The following DCLK1 variants were observed in gnomAD, a reference collection of about 807,000 sequenced individuals.
DCLK1 encodes serine/threonine-protein kinase DCLK1.
DCLK1 carries 16 observed loss-of-function variants against 86.2 expected under a neutral mutation model. The ratio of observed to expected loss-of-function variants is 0.19; its 90% CI spans 0.13 to 0.28. DCLK1 has a LOEUF of 0.28. Ranked by LOEUF, DCLK1 falls within the 10% of genes least tolerant of loss-of-function variation. The pLI is 1.00. For missense variants in DCLK1, 590 were observed against 940.2 expected, an observed-to-expected ratio of 0.63 and a Z score of 4.87; for synonymous variants, 369 against 370.5, an observed-to-expected ratio of 1.00 and a Z score of 0.05.
In DCLK1 at chr13:35,836,159, A is replaced by T; in HGVS notation, c.1121-18T>A. On this transcript the variant is annotated intron_variant, in intron 7 of 16. Coordinates refer to ENST00000360631, the MANE Select transcript of DCLK1 (RefSeq NM_001330071.2). ...CGACACTTCTGAAAGAATCATTAAT[A>T]CTTTTTTATTGGTTGAAAAGGGAAC... 1.3e-6 allele frequency: 2 copies of T among 1,587,370 alleles called. No homozygotes were observed. Among genetic ancestry groups the T allele is most frequent in the Non-Finnish European group, 1.7e-6 (2 of 1,162,570 alleles).
intron 4 of DCLK1, among the ~76,000 whole-genome samples, chr13:35,906,293 T>C (rs559442830): frequency 6.6e-6 from 1 of 151,594 alleles, no homozygotes; most frequent in East Asian, 1.9e-4. Context: ...ATTTTCACTT[T>C]ATGGTTGGCC....
At chr13:36,101,316 G>A (rs1281337606) in intron 3 of DCLK1, among the ~76,000 whole-genome samples, 1 of 152,190 alleles carries the variant, frequency 6.6e-6, no homozygotes, top group East Asian at 1.9e-4. Context: ...CTCCACGTGA[G>A]GCAGCCCACT....
intron 11 of DCLK1, among the ~76,000 whole-genome samples, chr13:35,821,879 A>C (rs2087402422): frequency 6.6e-6 from 1 of 150,842 alleles, no homozygotes; most frequent in Non-Finnish European, 1.5e-5. Context: ...GAGATCTCTC[A>C]AGGTTTCCCC....
rs367876100 is a variant in DCLK1, at chr13:35,898,347, A to C, written c.824-27007T>G. ...AGGAAAGAAACCAAACATACTTCTC[A>C]TTACCCCAAGTTCTTGGAAAGATAT... On this transcript the variant is annotated intron_variant, in intron 4 of 16. Transcript: ENST00000360631. Among the ~76,000 whole-genome samples, 118 of 152,366 alleles carry C rather than the reference A, an allele frequency of 7.7e-4. 1 individual carries two copies. In the South Asian group the frequency reaches 0.023, roughly 30 times the overall value.
intron 3 of DCLK1, among the ~76,000 whole-genome samples, chr13:36,084,075 T>C (rs1020613725): frequency 6.6e-6 from 1 of 152,136 alleles, no homozygotes; most frequent in South Asian, 2.1e-4. Flanking sequence ...CTATTAAAAA[T>C]ACATTGGAGC....
At chr13:36,007,764 A>G (rs1881047412) in intron 3 of DCLK1, among the ~76,000 whole-genome samples, 1 of 152,232 alleles carries the variant, frequency 6.6e-6, no homozygotes, top group Middle Eastern at 3.2e-3. Context: ...TCTATAAGCC[A>G]TTGCTGTCTT....
intron 3 of DCLK1, among the ~76,000 whole-genome samples, chr13:36,093,942 C>T (rs570007047): frequency 6.3e-4 from 96 of 152,120 alleles, no homozygotes; most frequent in African/African-American, 1.6e-3. Flanking sequence ...TATTTTGAGA[C>T]GGGGTCTCAC....
At chr13:36,030,692 TA>T (rs777963154) in intron 3 of DCLK1, among the ~76,000 whole-genome samples, 14 of 152,076 alleles carry the variant, frequency 9.2e-5, no homozygotes, top group Non-Finnish European at 1.9e-4. Flanking sequence ...GACAGTACAT[TA>T]CTAAAAATAA....
chr13:36,068,445 G>A (rs1883846482), intron 3 of DCLK1, among the ~76,000 whole-genome samples: 2 of 152,094 alleles, frequency 1.3e-5, no homozygotes, highest in African/African-American at 2.4e-5. Flanking sequence ...ACTCAGCTTT[G>A]GAGAACTTCT....
chr13:35,952,634 C>A (rs1314067074), intron 3 of DCLK1, among the ~76,000 whole-genome samples: 2 of 152,160 alleles, frequency 1.3e-5, no homozygotes, highest in African/African-American at 4.8e-5. Flanking sequence ...GCAAAAGATA[C>A]TGTATGTGTA....
At chr13:36,082,980 G>A (rs1435601683) in intron 3 of DCLK1, among the ~76,000 whole-genome samples, 2 of 151,418 alleles carry the variant, frequency 1.3e-5, no homozygotes, top group South Asian at 2.1e-4. Context: ...AATGGGCTCT[G>A]TCCACAAAAG....
intron 4 of DCLK1, among the ~76,000 whole-genome samples, chr13:35,876,841 CT>C (rs1872619882): frequency 6.6e-6 from 1 of 152,128 alleles, no homozygotes; most frequent in Non-Finnish European, 1.5e-5. Context: ...ACTGTATTTC[CT>C]TTGGTGGTGG....
intron 3 of DCLK1, among the ~76,000 whole-genome samples, chr13:35,955,560 T>C (rs529029649): frequency 2.0e-5 from 3 of 152,176 alleles, no homozygotes; most frequent in South Asian, 4.1e-4. Context: ...ACATAGGAAT[T>C]TGGGGGGATA....
intron 3 of DCLK1, among the ~76,000 whole-genome samples, chr13:35,978,404 C>T (rs1386538382): frequency 6.6e-6 from 1 of 151,846 alleles, no homozygotes; most frequent in Non-Finnish European, 1.5e-5. Context: ...TGGAGTTTCA[C>T]CATGTTGCCC....
In DCLK1 at chr13:35,813,786, A is replaced by G. The variant is rs2087205343; in HGVS notation, c.1555-2818T>C. Among the ~76,000 whole-genome samples the G allele has an allele frequency of 4.7e-5, 7 of 147,698 alleles. No homozygotes were observed. The Admixed American group carries it at 4.8e-4, about 10-fold the overall frequency. ...CACACAGTAGGATTTTTGTGAACAT[A>G]AAGAGGTTCAAGGGACACTCAGGAG... On this transcript the variant is annotated intron_variant, in intron 11 of 16. Coordinates refer to ENST00000360631, the MANE Select transcript of DCLK1 (RefSeq NM_001330071.2).
At position 36,045,360 on chromosome 13, in the gene DCLK1, A is replaced by ATCTATATATC. The variant is rs1238966788; in HGVS notation, c.723+66508_723+66509insGATATATAGA. Among the ~76,000 whole-genome samples, 6 of 91,482 alleles carry ATCTATATATC rather than the reference A, an allele frequency of 6.6e-5. 1 individual carries two copies. Among genetic ancestry groups the ATCTATATATC allele is most frequent in the Non-Finnish European group, 1.5e-4 (6 of 41,106 alleles). 60.0% of individuals were successfully genotyped at this position (91,482 alleles called of 152,430 possible). On this transcript the variant is annotated intron_variant, in intron 3 of 16. Transcript: ENST00000360631. Reference sequence around the variant, plus strand: ...TATATATATATATATATATATATATATATATATATATATATATTTCAAGGT... The same window carrying ATCTATATATC: ...TATATATATATATATATATATATATATCTATATATCTATATATATATATATATTTCAAGGT...
rs2153130505 is a variant in DCLK1, at chr13:35,936,912, C to T, written c.823+10446G>A. Among the ~76,000 whole-genome samples, 3 of 151,010 alleles carry T rather than the reference C, an allele frequency of 2.0e-5. 1 individual carries two copies. The South Asian group carries it at 6.3e-4, about 32-fold the overall frequency. ...ATTAATAAAGAAGAGCAGAATGTTC[C>T]CAGTGAGAGTCCCTGAAGAACCCAT... On this transcript the variant is annotated intron_variant, in intron 4 of 16. Coordinates refer to ENST00000360631, the MANE Select transcript of DCLK1 (RefSeq NM_001330071.2).
intron 3 of DCLK1, among the ~76,000 whole-genome samples, chr13:35,958,070 C>CATCACCACTATA (rs1878140907): frequency 8.0e-5 from 2 of 25,006 alleles, no homozygotes; most frequent in Non-Finnish European, 1.1e-4. Flanking sequence ...CCACTAGCAC[C>CATCACCACTATA]ACCACCACTA....
intron 3 of DCLK1, among the ~76,000 whole-genome samples, chr13:36,092,514 T>A (rs1378637713): frequency 8.1e-6 from 1 of 122,824 alleles, no homozygotes; most frequent in Non-Finnish European, 1.6e-5. Flanking sequence ...TGAGACAGAG[T>A]CTCACTCTGT....
Sources: gnomAD v4.1 joint callset for allele counts (sites outside exome capture counted in the v4.1 genomes callset) on GRCh38, gnomAD v4.1.1 for gene constraint, MANE v1.5 for transcripts, NCBI Gene and HGNC (gene_info 2026-07-23, HGNC 2026-07-21) for gene names.